Variants in PLAC8 observed in about 807,000 individuals in gnomAD.
The protein encoded by PLAC8 is placenta associated 8.
PLAC8 carries 6 observed loss-of-function variants against 12.6 expected under a neutral mutation model. The ratio of observed to expected loss-of-function variants is 0.48; its 90% CI spans 0.26 to 0.94. The LOEUF (loss-of-function observed/expected upper bound fraction) is 0.94. Ranked by LOEUF, PLAC8 falls within the 40% of genes least tolerant of loss-of-function variation. PLAC8 has a pLI of 0.14. For missense variants in PLAC8, 122 were observed against 152.7 expected, an observed-to-expected ratio of 0.80 and a Z score of 1.06; for synonymous variants, 54 against 52.6, an observed-to-expected ratio of 1.03 and a Z score of -0.11.
Position 83,105,037 on chromosome 4 carries a change from A to T in PLAC8, c.119-17T>A. The T allele has an allele frequency of 6.2e-7, 1 of 1,613,960 alleles. No homozygotes were observed. The highest frequency in any genetic ancestry group is 8.5e-7 in the Non-Finnish European group (1 of 1,179,930). Reference sequence around the variant, plus strand: ...CACAGAGACCTAGACACATGAAACCAGGGGTACATATTACTCCACTCTGCC... The same window carrying T: ...CACAGAGACCTAGACACATGAAACCTGGGGTACATATTACTCCACTCTGCC... On this transcript the variant is annotated splice_polypyrimidine_tract_variant and intron_variant, in intron 2 of 4. Transcript: ENST00000311507.
chr4:83,108,594 A>C (rs1732319905), intron 1 of PLAC8, among the ~76,000 whole-genome samples: 1 of 152,134 alleles, frequency 6.6e-6, no homozygotes, highest in Admixed American at 6.5e-5. Context: ...ACTCCACCTC[A>C]ACAAAACCCC....
chr4:83,095,609 C>T (rs113439832), intron 3 of PLAC8, among the ~76,000 whole-genome samples: 3 of 151,892 alleles, frequency 2.0e-5, no homozygotes, highest in African/African-American at 4.8e-5. Flanking sequence ...GTGTGTAGTG[C>T]GGGAGGAGGA....
At chr4:83,113,052 T>C (rs575514409) in intron 1 of PLAC8, among the ~76,000 whole-genome samples, 2 of 152,336 alleles carry the variant, frequency 1.3e-5, no homozygotes, top group Admixed American at 6.5e-5. Context: ...TAGAATGAGC[T>C]AGGGTTGAGG....
At chr4:83,091,774 A>G (rs1334617446) in intron 4 of PLAC8, among the ~76,000 whole-genome samples, 1 of 152,134 alleles carries the variant, frequency 6.6e-6, no homozygotes, top group East Asian at 1.9e-4. Context: ...TCCCATACAG[A>G]AATTCTCCTG....
intron 3 of PLAC8, among the ~76,000 whole-genome samples, chr4:83,102,955 G>A (rs1053609754): frequency 6.6e-6 from 1 of 151,552 alleles, no homozygotes; most frequent in South Asian, 2.1e-4. Context: ...GCGTAGTGGC[G>A]GGCACCTGTA....
chr4:83,105,101 G>C, intron 2 of PLAC8, 81 bp from the exon 3 acceptor site: 2 of 1,544,242 alleles, frequency 1.3e-6, no homozygotes, highest in Non-Finnish European at 1.8e-6. Flanking sequence ...TTCACAAATG[G>C]CAGTCCGAGT....
intron 3 of PLAC8, among the ~76,000 whole-genome samples, chr4:83,102,806 GC>G (rs1199098780): frequency 6.6e-6 from 1 of 152,202 alleles, no homozygotes; most frequent in Non-Finnish European, 1.5e-5. Flanking sequence ...CTGTTTCTTG[GC>G]CGGGCGCGGT....
chr4:83,105,156 T>G (rs904865617), intron 2 of PLAC8, 136 bp from the exon 3 acceptor site: 4 of 930,976 alleles, frequency 4.3e-6, no homozygotes, highest in Non-Finnish European at 6.7e-6. Context: ...CCATCTTCAA[T>G]GTTTCTATTC....
At chr4:83,108,001 GGA>G (rs1420990960) in intron 1 of PLAC8, 51 bp from the exon 2 acceptor site, 2 of 118,772 alleles carry the variant, frequency 1.7e-5, no homozygotes, top group Admixed American at 1.2e-4. Flanking sequence ...TGGGGGGAGG[GGA>G]GAGGGATAGC....
chr4:83,113,397 T>C (rs1393451145), intron 1 of PLAC8, among the ~76,000 whole-genome samples: 2 of 152,226 alleles, frequency 1.3e-5, no homozygotes, highest in Non-Finnish European at 2.9e-5. Context: ...AAGATTCTAA[T>C]GCCAGTGGCC....
intron 4 of PLAC8, chr4:83,093,406 G>A (rs1386420377): frequency 6.6e-6 from 1 of 152,328 alleles, no homozygotes; most frequent in African/African-American, 2.4e-5. Flanking sequence ...TAAGGATTCA[G>A]GTCACTGCTC....
At position 83,105,021 on chromosome 4, in the gene PLAC8, C is replaced by T. The variant is rs1246861245; in HGVS notation, c.119-1G>A. The T allele has an allele frequency of 1.2e-6, 2 of 1,614,058 alleles. No homozygotes were observed. The highest frequency in any genetic ancestry group is 1.1e-5 in the South Asian group (1 of 91,070). On this transcript the variant is annotated splice_acceptor_variant, in intron 2 of 4. Coordinates refer to ENST00000311507, the MANE Select transcript of PLAC8 (RefSeq NM_016619.3). LOFTEE classifies it high-confidence loss of function. ...GGGAAACAAAATGTGCCACAGAGAC[C>T]TAGACACATGAAACCAGGGGTACAT...
rs113174555 is a variant in PLAC8 at position 83,108,010 on chromosome 4, T to G, written c.-29-60A>C. ...GTGGGGTGGGGGGAGGGGAGAGGGA[T>G]AGCATTAGGAGATATACCTAATGTA... is the stretch of plus-strand genomic sequence containing the variant. On this transcript the variant is annotated intron_variant, in intron 1 of 4. Transcript: ENST00000311507. The G allele has an allele frequency of 7.9e-3, 2,825 of 355,656 alleles. 87 individuals are homozygous for G. The highest frequency in any genetic ancestry group is 0.06 in the African/African-American group (2,614 of 43,846). 22.0% of individuals were successfully genotyped at this position (355,656 alleles called of 1,614,324 possible).
chr4:83,107,024 A>C (rs1399093949), intron 2 of PLAC8, among the ~76,000 whole-genome samples: 1 of 152,118 alleles, frequency 6.6e-6, no homozygotes, highest in Non-Finnish European at 1.5e-5. Flanking sequence ...ACATGGTGAA[A>C]CCTTGTCTCT....
At chr4:83,101,628 A>G (rs1163821785) in intron 3 of PLAC8, among the ~76,000 whole-genome samples, 1 of 152,234 alleles carries the variant, frequency 6.6e-6, no homozygotes, top group African/African-American at 2.4e-5. Context: ...TTGGAAGAAG[A>G]TGCCATCAAG....
intron 1 of PLAC8, among the ~76,000 whole-genome samples, chr4:83,110,471 A>G (rs149100725): frequency 6.6e-6 from 1 of 152,340 alleles, no homozygotes; most frequent in Non-Finnish European, 1.5e-5. Flanking sequence ...CAAATCCCCA[A>G]CACTGAGGGT....
At chr4:83,109,461 CA>C (rs1560457319) in intron 1 of PLAC8, among the ~76,000 whole-genome samples, 1 of 152,108 alleles carries the variant, frequency 6.6e-6, no homozygotes. Flanking sequence ...AGTAAGTGAA[CA>C]AAAAACCAGG....
chr4:83,114,608 G>A (rs1439432727), intron 1 of PLAC8, 58 bp downstream of exon 1: 1 of 151,430 alleles, frequency 6.6e-6, no homozygotes, highest in Non-Finnish European at 1.5e-5. Flanking sequence ...TTTAAAGAAA[G>A]CTTTTTTTTT....
chr4:83,092,639 G>A (rs540480298), intron 4 of PLAC8, among the ~76,000 whole-genome samples: 10 of 151,922 alleles, frequency 6.6e-5, no homozygotes, highest in South Asian at 2.1e-4. Flanking sequence ...TTCAGACATC[G>A]CATGCTAAGG....
Sources: allele counts gnomAD v4.1 joint callset (sites outside exome capture counted in the v4.1 genomes callset), GRCh38; gene constraint gnomAD v4.1.1; transcripts MANE v1.5; gene names NCBI Gene and HGNC (gene_info 2026-07-23, HGNC 2026-07-21).